The following NT5DC1 variants were observed in gnomAD, a reference collection of about 807,000 sequenced individuals.
NT5DC1 encodes the protein 5'-nucleotidase domain containing 1.
Under a neutral mutation model 59.4 loss-of-function variants are expected in NT5DC1, and 42 were observed. The ratio of observed to expected loss-of-function variants is 0.71; its 90% CI spans 0.55 to 0.92. The LOEUF is 0.92. Among genes scored for constraint, NT5DC1 ranks in the 40% least tolerant of loss-of-function variants. NT5DC1 has a pLI of 0.00. For synonymous variants in NT5DC1, 172 were observed against 188.1 expected (o/e 0.91, Z 0.70); for missense variants, 501 against 537.1 (o/e 0.93, Z 0.66).
intron 6 of NT5DC1, chr6:116,125,713 A>T: frequency 2.5e-6 from 1 of 402,102 alleles, no homozygotes; most frequent in Non-Finnish European, 4.5e-6. Flanking sequence ...ATACTCAGGT[A>T]ATCAAGTGAA....
intron 6 of NT5DC1, among the ~76,000 whole-genome samples, chr6:116,155,296 T>A (rs985601808): frequency 3.9e-5 from 6 of 152,180 alleles, no homozygotes; most frequent in Non-Finnish European, 7.4e-5. Context: ...TGGGATAATC[T>A]GAGAAAAATA....
chr6:116,166,889 T>A (rs1780481367), intron 6 of NT5DC1, among the ~76,000 whole-genome samples: 1 of 152,142 alleles, frequency 6.6e-6, no homozygotes, highest in African/African-American at 2.4e-5. Context: ...TGAGAATAAT[T>A]TTTTGTTATT....
intron 5 of NT5DC1, among the ~76,000 whole-genome samples, chr6:116,116,233 T>A (rs1778959956): frequency 5.3e-5 from 8 of 152,234 alleles, no homozygotes; most frequent in Admixed American, 5.2e-4. Context: ...TTGTACTGTA[T>A]ATCAAGATTA....
intron 6 of NT5DC1, among the ~76,000 whole-genome samples, chr6:116,188,915 A>G (rs368872629): frequency 4.6e-5 from 7 of 152,028 alleles, no homozygotes; most frequent in African/African-American, 1.7e-4. Flanking sequence ...ATTAAGCTTC[A>G]CTACCATTTT....
At chr6:116,146,948 C>A (rs1779912530) in intron 6 of NT5DC1, among the ~76,000 whole-genome samples, 1 of 149,516 alleles carries the variant, frequency 6.7e-6, no homozygotes, top group African/African-American at 2.5e-5. Context: ...AATTATAAAA[C>A]TACCAGTAGA....
intron 6 of NT5DC1, among the ~76,000 whole-genome samples, chr6:116,159,788 C>G (rs1780285592): frequency 6.6e-6 from 1 of 152,156 alleles, no homozygotes. Context: ...CCAGCCCCCA[C>G]CTTTTGGAGT....
At chr6:116,218,275 T>G (rs1235332383) in intron 6 of NT5DC1, among the ~76,000 whole-genome samples, 2 of 152,184 alleles carry the variant, frequency 1.3e-5, no homozygotes, top group Non-Finnish European at 2.9e-5. Flanking sequence ...AGTAGCTTTT[T>G]AATGGTAATT....
At chr6:116,207,311 C>G (rs988283783) in intron 6 of NT5DC1, among the ~76,000 whole-genome samples, 6 of 150,240 alleles carry the variant, frequency 4.0e-5, no homozygotes, top group Non-Finnish European at 8.9e-5. Flanking sequence ...GAGTCTATAG[C>G]TATAGAAGTA....
At chr6:116,194,767 G>T (rs1200541142) in intron 6 of NT5DC1, among the ~76,000 whole-genome samples, 1 of 152,020 alleles carries the variant, frequency 6.6e-6, no homozygotes, top group Admixed American at 6.6e-5. Context: ...ATGACTAAAG[G>T]TAGTGGCTTT....
intron 4 of NT5DC1, 26 bp downstream of exon 4, chr6:116,110,982 C>G (rs1168137677): frequency 7.1e-7 from 1 of 1,404,692 alleles, no homozygotes; most frequent in African/African-American, 1.4e-5. Flanking sequence ...GGCAGCTCCA[C>G]CATCCGCTCC....
chr6:116,112,527 C>A (rs1778899372), intron 4 of NT5DC1, among the ~76,000 whole-genome samples: 3 of 152,142 alleles, frequency 2.0e-5, no homozygotes, highest in Non-Finnish European at 4.4e-5. Context: ...TATGTATTTA[C>A]CTTGCTCTTT....
intron 6 of NT5DC1, among the ~76,000 whole-genome samples, chr6:116,207,961 A>G (rs1276423735): frequency 6.6e-6 from 1 of 151,964 alleles, no homozygotes; most frequent in Non-Finnish European, 1.5e-5. Flanking sequence ...TTGTCTCGGC[A>G]TTCTGTTAGG....
chr6:116,207,233 G>A (rs1409601416), intron 6 of NT5DC1, among the ~76,000 whole-genome samples: 1 of 151,874 alleles, frequency 6.6e-6, no homozygotes, highest in Non-Finnish European at 1.5e-5. Flanking sequence ...CTCAATAAAT[G>A]GATCATATGT....
intron 6 of NT5DC1, among the ~76,000 whole-genome samples, chr6:116,168,676 AT>A (rs1403967434): frequency 6.6e-6 from 1 of 151,490 alleles, no homozygotes; most frequent in African/African-American, 2.4e-5. Flanking sequence ...GTATCTGATA[AT>A]TTTTTATTGA....
chr6:116,192,633 A>G (rs898455355), intron 6 of NT5DC1, among the ~76,000 whole-genome samples: 3 of 152,114 alleles, frequency 2.0e-5, no homozygotes, highest in African/African-American at 7.2e-5. Flanking sequence ...TTTGTATATT[A>G]TAAAAAGTCA....
chr6:116,180,062 G>A (rs1293330491), intron 6 of NT5DC1, among the ~76,000 whole-genome samples: 1 of 152,030 alleles, frequency 6.6e-6, no homozygotes, highest in Non-Finnish European at 1.5e-5. Context: ...CTATAACTGT[G>A]TTGAATTTAT....
chr6:116,102,575 C>T (rs1778681763), intron 1 of NT5DC1, among the ~76,000 whole-genome samples: 1 of 152,120 alleles, frequency 6.6e-6, no homozygotes, highest in Non-Finnish European at 1.5e-5. Context: ...CATGTTAGAG[C>T]TAGTGTTGTC....
intron 6 of NT5DC1, among the ~76,000 whole-genome samples, chr6:116,150,583 C>T (rs931955512): frequency 6.6e-6 from 1 of 152,114 alleles, no homozygotes; most frequent in Non-Finnish European, 1.5e-5. Flanking sequence ...CTGCACCTGG[C>T]CTTGAAAATG....
Position 116,120,826 on chromosome 6 carries a change from C to T in NT5DC1, c.529+2881C>T. ...CCTCTCCATTGTGTCCGGGCATTCC[C>T]TTTGCTCCTGCTGGGCCCACAGGGC... On this transcript the variant is annotated intron_variant, in intron 6 of 11. Coordinates refer to ENST00000319550, the MANE Select transcript of NT5DC1 (RefSeq NM_152729.3). 1.9e-6 allele frequency: 3 copies of T among 1,613,982 alleles called. No individual in the cohort carries two copies. The South Asian group carries it at 3.3e-5, about 18-fold the overall frequency.
Sources: gnomAD v4.1 joint callset for allele counts (sites outside exome capture counted in the v4.1 genomes callset) on GRCh38, gnomAD v4.1.1 for gene constraint, MANE v1.5 for transcripts, NCBI Gene and HGNC (gene_info 2026-07-23, HGNC 2026-07-21) for gene names.